AGO4: variants seen among roughly 807,000 people sequenced by gnomAD.
AGO4 encodes protein argonaute-4.
In AGO4, 33 loss-of-function variants were observed where a neutral mutation model predicts 104.7. The ratio of observed to expected loss-of-function variants is 0.32; its 90% CI spans 0.24 to 0.42. The LOEUF (loss-of-function observed/expected upper bound fraction) is 0.42. Ranked by LOEUF, AGO4 falls within the 10% of genes least tolerant of loss-of-function variation. The pLI, the probability that AGO4 is intolerant of heterozygous loss-of-function variation, is 1.00. For synonymous variants in AGO4, 331 were observed against 364.7 expected, an observed-to-expected ratio of 0.91 and a Z score of 1.05; for missense variants, 711 against 1,083.4, an observed-to-expected ratio of 0.66 and a Z score of 4.83.
chr1:35,838,814 T>C lies in AGO4; in HGVS notation c.1725-2351T>C, dbSNP rs190294994. ...TGTTGTTTTTCTGTGAAATACTATG[T>C]GTGAAAGTGATTTGAAGAGTTAAAT... On this transcript the variant is annotated intron_variant, in intron 13 of 17. Coordinates refer to ENST00000373210, the MANE Select transcript of AGO4 (RefSeq NM_017629.4). 3.8e-3 allele frequency among the ~76,000 whole-genome samples: 583 copies of C among 152,292 alleles called. 3 individuals are homozygous for C. The highest frequency in any genetic ancestry group is 0.013 in the African/African-American group (560 of 41,560).
chr1:35,817,184 C>A, intron 2 of AGO4, 137 bp downstream of exon 2: 1 of 896,328 alleles, frequency 1.1e-6, no homozygotes, highest in Non-Finnish European at 1.6e-6. Flanking sequence ...AGCAGGTTTG[C>A]TGTCTCATGC....
rs772861000 is a variant in AGO4, at chr1:35,832,457, C to A, written c.1266C>A (p.Pro422=). 2.5e-6 allele frequency: 4 copies of A among 1,610,838 alleles called. No homozygotes were observed. Among genetic ancestry groups the A allele is most frequent in the Non-Finnish European group, 3.4e-6 (4 of 1,179,100 alleles). ...YGGRNKTVAT[P]NQGVWDMRGK... ...CAAAGAATAAAACAGTAGCCACACC[C>A]AACCAGGGTGTCTGGGACATGCGAG... Residue 422 remains proline (P), a synonymous_variant, in exon 11 of 18, where the codon CCC becomes CCA. Transcript: ENST00000373210.
At chr1:35,812,134 C>T (rs1056746865) in intron 1 of AGO4, among the ~76,000 whole-genome samples, 1 of 150,712 alleles carries the variant, frequency 6.6e-6, no homozygotes, top group African/African-American at 2.4e-5. Context: ...TCAAAGAAAC[C>T]AGATTTTTCC....
chr1:35,824,774 T>C (rs1363668071), intron 3 of AGO4, among the ~76,000 whole-genome samples: 1 of 152,164 alleles, frequency 6.6e-6, no homozygotes, highest in Non-Finnish European at 1.5e-5. Context: ...GCACTCCAGC[T>C]TGGATGACAG....
chr1:35,852,571 C>G (rs914999676), intron 17 of AGO4, among the ~76,000 whole-genome samples: 3 of 152,178 alleles, frequency 2.0e-5, no homozygotes, highest in Non-Finnish European at 4.4e-5. Flanking sequence ...TACGTAGATG[C>G]ATTCATTCAA....
Position 35,834,442 on chromosome 1 carries a change from C to A in AGO4, c.1564+268C>A, listed in dbSNP as rs900241297. ...GGCCCCACATTCTTTTTTCTCTCTG[C>A]AACTCCTTGGCCACAACCAGCCATA... On this transcript the variant is annotated intron_variant, in intron 12 of 17. Coordinates refer to ENST00000373210, the MANE Select transcript of AGO4 (RefSeq NM_017629.4). 6.6e-5 allele frequency among the ~76,000 whole-genome samples: 10 copies of A among 152,294 alleles called. No homozygotes were observed. The Middle Eastern group carries it at 0.01, about 155-fold the overall frequency.
intron 2 of AGO4, among the ~76,000 whole-genome samples, chr1:35,820,524 A>AT (rs1643869505): frequency 6.6e-6 from 1 of 151,802 alleles, no homozygotes; most frequent in African/African-American, 2.4e-5. Context: ...CACCTGGCTA[A>AT]TTTTTTATTT....
chr1:35,851,209 G>A, intron 17 of AGO4, 156 bp downstream of exon 17: 1 of 738,406 alleles, frequency 1.4e-6, no homozygotes, highest in Non-Finnish European at 2.2e-6. Flanking sequence ...CTTGTAATGT[G>A]ACTTTTGGTC....
Position 35,826,824 on chromosome 1 carries a change from C to G in AGO4, c.837C>G (p.Ala279=). The G allele has an allele frequency of 6.2e-7, 1 of 1,614,064 alleles. No individual in the cohort carries two copies. The highest frequency in any genetic ancestry group is 8.5e-7 in the Non-Finnish European group (1 of 1,179,962). ...YRVCNVTRRP[A]SHQTFPLQLE... ...TTTGTAATGTGACTAGACGGCCAGC[C>G]AGTCATCAAACGTATGTTAACCACA... Residue 279 remains alanine (A), a synonymous_variant, in exon 7 of 18, where the codon GCC becomes GCG. Coordinates refer to ENST00000373210, the MANE Select transcript of AGO4 (RefSeq NM_017629.4).
rs1406130522 is a variant in AGO4 at position 35,855,452 on chromosome 1, C to T, written c.*1847C>T. The T allele has an allele frequency of 6.6e-6, 1 of 152,506 alleles. No homozygotes were observed. Among genetic ancestry groups the T allele is most frequent in the Non-Finnish European group, 1.5e-5 (1 of 68,028 alleles). The allele number at this position is 152,506 out of a possible 1,614,324, so 9.4% of individuals were successfully genotyped here. ...ACATTGAAGTTTACATTTCCATGTG[C>T]TGTTGATCAACGGCGCCACCTGTGT... On this transcript the variant is annotated 3_prime_UTR_variant, in exon 18 of 18. Transcript: ENST00000373210.
intron 1 of AGO4, among the ~76,000 whole-genome samples, chr1:35,812,514 G>C (rs1280939340): frequency 2.0e-5 from 3 of 152,158 alleles, no homozygotes; most frequent in Admixed American, 2.0e-4. Context: ...TAAACTCAAA[G>C]TCGTATGTCC....
chr1:35,822,745 A>C, intron 2 of AGO4, 117 bp from the exon 3 acceptor site: 1 of 1,314,780 alleles, frequency 7.6e-7, no homozygotes, highest in Non-Finnish European at 1.1e-6. Flanking sequence ...TGTAACCTTA[A>C]CTCTTACTTT....
chr1:35,814,339 A>G (rs12043467), intron 1 of AGO4, among the ~76,000 whole-genome samples: 151,969 of 152,176 alleles, frequency 1, 75,883 homozygotes, highest in Non-Finnish European at 1. Flanking sequence ...ATACTTTAGG[A>G]TACATATGCA....
At position 35,808,459 on chromosome 1, in the gene AGO4, G is replaced by GCGGGACC. The variant is rs775495758; in HGVS notation, c.19+43_19+49dup. 3,930 of 1,179,668 alleles carry GCGGGACC rather than the reference G, an allele frequency of 3.3e-3. 7 individuals are homozygous for GCGGGACC. The highest frequency in any genetic ancestry group is 3.8e-3 in the Non-Finnish European group (3,640 of 954,176). The allele number at this position is 1,179,668 out of a possible 1,614,324, so 73.1% of individuals were successfully genotyped here. On this transcript the variant is annotated intron_variant, in intron 1 of 17. Transcript: ENST00000373210. The surrounding 1 kb of genome is among the most constrained non-coding windows in gnomAD (Gnocchi z 5.2). Reference sequence around the variant, plus strand: ...CGGTGAGGAGCGAGCTCGGGTCGGGGCGGGACCCGGGACCCGGGACCCGGG... The same window carrying GCGGGACC: ...CGGTGAGGAGCGAGCTCGGGTCGGGGCGGGACCCGGGACCCGGGACCCGGGACCCGGG...
intron 2 of AGO4, among the ~76,000 whole-genome samples, chr1:35,817,582 G>A (rs1420007032): frequency 6.6e-6 from 1 of 152,130 alleles, no homozygotes; most frequent in Non-Finnish European, 1.5e-5. Flanking sequence ...ATTGTGGTCT[G>A]TATAGCAGGA....
intron 2 of AGO4, among the ~76,000 whole-genome samples, chr1:35,820,038 A>C (rs1329689848): frequency 1.2e-4 from 18 of 152,194 alleles, no homozygotes; most frequent in Non-Finnish European, 2.6e-4. Flanking sequence ...AAGTATCAGC[A>C]GGAAGATTGG....
At chr1:35,813,397 A>T (rs532333994) in intron 1 of AGO4, among the ~76,000 whole-genome samples, 2 of 150,918 alleles carry the variant, frequency 1.3e-5, no homozygotes, top group African/African-American at 4.9e-5. Flanking sequence ...TGACAGAGCG[A>T]GACTCCATCT....
rs767117969 is a variant in AGO4, at chr1:35,853,639, C to G, written c.*34C>G. 1.9e-6 allele frequency: 3 copies of G among 1,583,408 alleles called. No homozygotes were observed. In the Admixed American group the frequency reaches 5.1e-5, roughly 27 times the overall value. On this transcript the variant is annotated 3_prime_UTR_variant, in exon 18 of 18. Transcript: ENST00000373210. The stretch of plus-strand genomic sequence containing the variant: ...GAAAAAGAACTCAACCAATTTGGCA[C>G]CCCATGCAGCCTCAAAATGTTTCAA...
chr1:35,814,765 T>G (rs996606351), intron 1 of AGO4, among the ~76,000 whole-genome samples: 13 of 152,232 alleles, frequency 8.5e-5, no homozygotes, highest in African/African-American at 2.9e-4. Context: ...AATGAATAAT[T>G]AATATGTAAA....
Sources: allele counts gnomAD v4.1 joint callset (sites outside exome capture counted in the v4.1 genomes callset), GRCh38; gene constraint gnomAD v4.1.1; non-coding constraint Gnocchi (gnomAD v3.1); transcripts MANE v1.5; gene names NCBI Gene and HGNC (gene_info 2026-07-23, HGNC 2026-07-21).